CNTN5: variants seen among roughly 807,000 people sequenced by gnomAD.
The protein encoded by CNTN5 is contactin 5.
A neutral mutation model predicts 129.1 loss-of-function variants in CNTN5; 77 were observed. The observed-to-expected ratio is 0.60, with a 90% CI of 0.50 to 0.72. CNTN5 has a LOEUF of 0.72. Ranked by LOEUF, CNTN5 falls within the 30% of genes least tolerant of loss-of-function variation. CNTN5 has a pLI of 0.00. For missense variants in CNTN5, 1,478 were observed against 1,328.8 expected, an observed-to-expected ratio of 1.11 and a Z score of -1.75; for synonymous variants, 509 against 465.6, an observed-to-expected ratio of 1.09 and a Z score of -1.20.
chr11:99,203,535 A>T (rs1859322548), intron 1 of CNTN5, among the ~76,000 whole-genome samples: 1 of 152,056 alleles, frequency 6.6e-6, no homozygotes, highest in Admixed American at 6.6e-5. Flanking sequence ...AGATCTCATT[A>T]TAAAGGCAAT....
At chr11:99,797,448 T>C (rs1016460370) in intron 3 of CNTN5, among the ~76,000 whole-genome samples, 6 of 152,160 alleles carry the variant, frequency 3.9e-5, no homozygotes, top group African/African-American at 1.4e-4. Flanking sequence ...AAATCACTTT[T>C]TTGAATCTGT....
intron 3 of CNTN5, among the ~76,000 whole-genome samples, chr11:99,684,303 C>G (rs1344753993): frequency 6.6e-6 from 1 of 151,800 alleles, no homozygotes; most frequent in Non-Finnish European, 1.5e-5. Flanking sequence ...ACCATATATA[C>G]TTTTTAAAAC....
chr11:99,820,247 C>T (rs928378015), intron 4 of CNTN5, among the ~76,000 whole-genome samples: 7 of 152,274 alleles, frequency 4.6e-5, no homozygotes, highest in African/African-American at 7.2e-5. Context: ...TAAATACTCT[C>T]GTAGAATGAA....
intron 18 of CNTN5, among the ~76,000 whole-genome samples, chr11:100,275,739 T>C (rs979761466): frequency 6.6e-6 from 1 of 152,244 alleles, no homozygotes; most frequent in Non-Finnish European, 1.5e-5. Flanking sequence ...TAAAATCTTA[T>C]GGAAGAGAAG....
chr11:99,806,182 C>T (rs1490456027), intron 3 of CNTN5, among the ~76,000 whole-genome samples: 1 of 152,086 alleles, frequency 6.6e-6, no homozygotes, highest in Non-Finnish European at 1.5e-5. Flanking sequence ...GACTTTCTCC[C>T]TCCAATGACA....
intron 15 of CNTN5, among the ~76,000 whole-genome samples, chr11:100,218,807 G>A (rs969326781): frequency 5.3e-5 from 8 of 152,180 alleles, no homozygotes; most frequent in Non-Finnish European, 7.3e-5. Context: ...GATAGGTTGA[G>A]TCTAGCCTCA....
At chr11:99,914,073 G>A (rs903680746) in intron 6 of CNTN5, among the ~76,000 whole-genome samples, 6 of 152,012 alleles carry the variant, frequency 3.9e-5, no homozygotes, top group African/African-American at 1.2e-4. Context: ...CTGTCTCTAC[G>A]AAGAATTTGA....
intron 3 of CNTN5, among the ~76,000 whole-genome samples, chr11:99,760,217 T>C (rs1028294557): frequency 6.6e-6 from 1 of 152,236 alleles, no homozygotes; most frequent in East Asian, 1.9e-4. Context: ...TCTTAACAGT[T>C]AGTTAAAAAT....
At chr11:99,661,756 C>A (rs1223518648) in intron 3 of CNTN5, among the ~76,000 whole-genome samples, 1 of 151,894 alleles carries the variant, frequency 6.6e-6, no homozygotes, top group Non-Finnish European at 1.5e-5. Context: ...ATTAAAATAA[C>A]CCCAGTTATT....
At chr11:99,098,024 A>G (rs1304094849) in intron 1 of CNTN5, among the ~76,000 whole-genome samples, 2 of 152,062 alleles carry the variant, frequency 1.3e-5, no homozygotes, top group East Asian at 1.9e-4. Flanking sequence ...AATTTGCTGT[A>G]TCTAGGTTCT....
At chr11:99,736,270 GCTAGGTTT>G (rs1943707499) in intron 3 of CNTN5, among the ~76,000 whole-genome samples, 1 of 152,160 alleles carries the variant, frequency 6.6e-6, no homozygotes, top group Admixed American at 6.5e-5. Flanking sequence ...GGTGGGGTTA[GCTAGGTTT>G]CTCAGACTTA....
At chr11:99,832,356 A>G (rs950190959) in intron 4 of CNTN5, among the ~76,000 whole-genome samples, 2 of 152,152 alleles carry the variant, frequency 1.3e-5, no homozygotes, top group Admixed American at 1.3e-4. Flanking sequence ...GTGCACTTTG[A>G]TTGTTATCAT....
At chr11:99,978,741 G>T (rs569715319) in intron 8 of CNTN5, among the ~76,000 whole-genome samples, 1 of 152,102 alleles carries the variant, frequency 6.6e-6, no homozygotes, top group African/African-American at 2.4e-5. Flanking sequence ...GCCTAATGTC[G>T]CATTAATCCT....
intron 13 of CNTN5, among the ~76,000 whole-genome samples, chr11:100,159,488 A>T (rs1196806840): frequency 6.6e-6 from 1 of 151,166 alleles, no homozygotes; most frequent in African/African-American, 2.4e-5. Context: ...GTTGAGCTTT[A>T]AAAAAAAATG....
intron 2 of CNTN5, among the ~76,000 whole-genome samples, chr11:99,477,492 C>G (rs1323116757): frequency 1.3e-5 from 2 of 151,464 alleles, no homozygotes; most frequent in Non-Finnish European, 2.9e-5. Context: ...TATTCTAACC[C>G]TAAATAGTAA....
intron 21 of CNTN5, among the ~76,000 whole-genome samples, chr11:100,327,697 A>T (rs1199812403): frequency 6.6e-6 from 1 of 152,148 alleles, no homozygotes; most frequent in Admixed American, 6.5e-5. Flanking sequence ...GGCCCTAGGC[A>T]CAGTGTTTGG....
chr11:99,173,570 A>T (rs190726246), intron 1 of CNTN5, among the ~76,000 whole-genome samples: 1 of 152,170 alleles, frequency 6.6e-6, no homozygotes, highest in African/African-American at 2.4e-5. Context: ...ATTGGGGCAG[A>T]CTGGGACTAA....
At chr11:100,289,411 A>G (rs1247625563) in intron 18 of CNTN5, among the ~76,000 whole-genome samples, 1 of 151,074 alleles carries the variant, frequency 6.6e-6, no homozygotes, top group Non-Finnish European at 1.5e-5. Context: ...CTTATCCACC[A>G]TGATCACGTG....
chr11:99,937,474 A>C (rs773285961), intron 7 of CNTN5, among the ~76,000 whole-genome samples: 1 of 152,220 alleles, frequency 6.6e-6, no homozygotes, highest in Non-Finnish European at 1.5e-5. Context: ...ACCTCGCTCA[A>C]TCAGCACAGT....
Sources: allele counts gnomAD v4.1 joint callset (sites outside exome capture counted in the v4.1 genomes callset), GRCh38; gene constraint gnomAD v4.1.1; transcripts MANE v1.5; gene names NCBI Gene and HGNC (gene_info 2026-07-23, HGNC 2026-07-21).